Variants in SZT2 observed in about 807,000 individuals in gnomAD.
SZT2 encodes the protein KICSTOR complex protein SZT2.
A neutral mutation model predicts 404.2 loss-of-function variants in SZT2; 216 were observed. The ratio of observed to expected loss-of-function variants is 0.53; its 90% CI spans 0.48 to 0.60. SZT2 has a LOEUF of 0.60. Among genes scored for constraint, SZT2 ranks in the 20% least tolerant of loss-of-function variants. The pLI is 0.00. For missense variants in SZT2, 3,857 were observed against 4,459.2 expected, an observed-to-expected ratio of 0.86 and a Z score of 3.85; for synonymous variants, 1,693 against 1,749.9, an observed-to-expected ratio of 0.97 and a Z score of 0.81.
chr1:43,430,421 G>T, intron 31 of SZT2, 32 bp downstream of exon 31: 2 of 1,603,576 alleles, frequency 1.2e-6, no homozygotes, highest in South Asian at 2.2e-5. Context: ...GGTGGGGAAG[G>T]CTGGCTGCTT....
At position 43,441,239 on chromosome 1, in the gene SZT2, G is replaced by A. The variant is rs1292631437; in HGVS notation, c.7370G>A (p.Gly2457Asp). Residue 2457 changes from glycine to aspartate, a missense_variant, in exon 53 of 72, where the codon GGT becomes GAT. Gly to Asp is a moderately conservative substitution (Grantham distance 94). Coordinates refer to ENST00000634258, the MANE Select transcript of SZT2 (RefSeq NM_001365999.1). This position sits in a 1 kb window ranked among gnomAD's most constrained non-coding sequence, Gnocchi z 4.8. ...AGTAAAACAGAATGTGGGGATTTGG[G>A]TTCCCCCAAAACAACTGATGACATT... ...MLSKTECGDL[G>D]SPKTTDDIVL... is the part of the protein sequence containing the mutation. The A allele has an allele frequency of 8.1e-6, 13 of 1,614,174 alleles. No homozygotes were observed. The highest frequency in any genetic ancestry group is 1.1e-5 in the South Asian group (1 of 91,084).
chr1:43,400,630 G>A (rs1206604913), intron 1 of SZT2, among the ~76,000 whole-genome samples: 1 of 152,186 alleles, frequency 6.6e-6, no homozygotes, highest in Admixed American at 6.5e-5. Context: ...CCAGCACCTC[G>A]GAAGGCCAAG....
chr1:43,421,291 C>T lies in SZT2; in HGVS notation c.1614C>T (p.Gly538=). Residue 538 remains glycine (G), a synonymous_variant, in exon 11 of 72, where the codon GGC becomes GGT. Transcript: ENST00000634258. ...TGCCACTCTTCTACATCCCTCCAGG[C>T]TCCACCACCCCGGTGAGTAGCTCTG... ...SGVPLFYIPP[G]STTPVLSLQP... 1 of 1,598,560 alleles carries T rather than the reference C, an allele frequency of 6.3e-7. No individual in the cohort carries two copies. The highest frequency in any genetic ancestry group is 1.3e-5 in the African/African-American group (1 of 75,062).
At chr1:43,413,107 A>C (rs770188477) in intron 4 of SZT2, among the ~76,000 whole-genome samples, 1 of 152,238 alleles carries the variant, frequency 6.6e-6, no homozygotes, top group Non-Finnish European at 1.5e-5. Context: ...GAGGTTCCTC[A>C]AAAAACAAAA....
chr1:43,389,950 G>C lies in SZT2; in HGVS notation c.-19G>C. On this transcript the variant is annotated 5_prime_UTR_variant, in exon 1 of 72. Transcript: ENST00000634258. ...TGGAACACCCTCACTGGCCCGGGCCGGCGCGGGAGGGCTGTGTGATGGCCT... is the reference window on the plus strand; with the variant it reads ...TGGAACACCCTCACTGGCCCGGGCCCGCGCGGGAGGGCTGTGTGATGGCCT... The C allele has an allele frequency of 6.9e-7, 1 of 1,452,428 alleles. No homozygotes were observed. The allele number at this position is 1,452,428 out of a possible 1,614,324, so 90.0% of individuals were successfully genotyped here. A position where few individuals can be genotyped will look rare whatever the true frequency, so the allele number is the denominator to read the frequency against.
intron 4 of SZT2, among the ~76,000 whole-genome samples, chr1:43,408,222 G>A (rs1650569163): frequency 6.6e-6 from 1 of 152,046 alleles, no homozygotes; most frequent in Non-Finnish European, 1.5e-5. Flanking sequence ...AAGAGAAAGG[G>A]AGAATCAAGA....
intron 34 of SZT2, 29 bp downstream of exon 34, chr1:43,431,401 A>AGAGTTCT (rs769359092): frequency 1.9e-6 from 3 of 1,613,234 alleles, no homozygotes; most frequent in Non-Finnish European, 2.5e-6. Flanking sequence ...GTCAGAGTTC[A>AGAGTTCT]TTACTGCTTT....
chr1:43,391,762 A>G (rs1300368422), intron 1 of SZT2, among the ~76,000 whole-genome samples: 1 of 152,218 alleles, frequency 6.6e-6, no homozygotes, highest in Non-Finnish European at 1.5e-5. Context: ...CATGTGTAAT[A>G]TTAAATTTTC....
At position 43,453,861 on chromosome 1, in the gene SZT2, C is replaced by CGGGCGGG. The variant is rs1553158735; in HGVS notation, c.*3384_*3390dup. 1.3e-6 allele frequency: 1 copy of CGGGCGGG among 757,902 alleles called. No homozygotes were observed. Among genetic ancestry groups the CGGGCGGG allele is most frequent in the East Asian group, 4.3e-5 (1 of 23,494 alleles). The allele number at this position is 757,902 out of a possible 1,614,324, so 46.9% of individuals were successfully genotyped here. A position where few individuals can be genotyped will look rare whatever the true frequency, so the allele number is the denominator to read the frequency against. On this transcript the variant is annotated 3_prime_UTR_variant, in exon 72 of 72. Transcript: ENST00000634258. The stretch of plus-strand genomic sequence containing the variant: ...GCGGCGGGCGGCGGGCGGCGGGCGG[C>CGGGCGGG]GGGCGGGGGCGGGGCTCTCCTTGCT...
chr1:43,408,382 C>A (rs988036354), intron 4 of SZT2, among the ~76,000 whole-genome samples: 1 of 152,158 alleles, frequency 6.6e-6, no homozygotes, highest in African/African-American at 2.4e-5. Context: ...CCCACCTCAG[C>A]CTGCCAAGTA....
At position 43,432,366 on chromosome 1, in the gene SZT2, C is replaced by G; in HGVS notation, c.5369C>G (p.Ser1790Cys). Residue 1790 changes from serine to cysteine, a missense_variant, in exon 37 of 72, where the codon TCC becomes TGC. Ser to Cys is a moderately radical substitution (Grantham distance 112). Coordinates refer to ENST00000634258, the MANE Select transcript of SZT2 (RefSeq NM_001365999.1). ...GCAGCTGGCCAACAGCCAGGTGGGT[C>G]CCATGGGGAGCCTTCTTCAGCGGCC... The part of the protein sequence containing the change: ...FVAAGQQPGG[S>C]HGEPSSAAWA... 1 of 1,606,092 alleles carries G rather than the reference C, an allele frequency of 6.2e-7. No homozygotes were observed. Among genetic ancestry groups the G allele is most frequent in the Non-Finnish European group, 8.5e-7 (1 of 1,176,550 alleles).
At position 43,425,739 on chromosome 1, in the gene SZT2, A is replaced by G; in HGVS notation, c.2815-96A>G. The G allele has an allele frequency of 3.8e-6, 6 of 1,594,966 alleles. No homozygotes were observed. The highest frequency in any genetic ancestry group is 5.1e-6 in the Non-Finnish European group (6 of 1,167,212). On this transcript the variant is annotated intron_variant, in intron 19 of 71. Coordinates refer to ENST00000634258, the MANE Select transcript of SZT2 (RefSeq NM_001365999.1). This position sits in a 1 kb window ranked among gnomAD's most constrained non-coding sequence, Gnocchi z 4.3. ...GTCTGTGGGCTTCCTGGTCCCTCTG[A>G]ATGGCTGGGACTGTTGAAGCTTCCT...
At position 43,442,755 on chromosome 1, in the gene SZT2, C is replaced by T. The variant is rs2153935980; in HGVS notation, c.8152-64C>T. On this transcript the variant is annotated intron_variant, in intron 58 of 71. Coordinates refer to ENST00000634258, the MANE Select transcript of SZT2 (RefSeq NM_001365999.1). This position sits in a 1 kb window ranked among gnomAD's most constrained non-coding sequence, Gnocchi z 4.5. ...GAGGGAGAGTCTGAGAGAGGAAGCC[C>T]TGGGATGAGAGAGAGGGTCCGAGGG... The T allele has an allele frequency of 1.3e-6, 2 of 1,541,030 alleles. No individual in the cohort carries two copies. Among genetic ancestry groups the T allele is most frequent in the Non-Finnish European group, 1.7e-6 (2 of 1,144,556 alleles).
At position 43,432,752 on chromosome 1, in the gene SZT2, G is replaced by A. The variant is rs1429335929; in HGVS notation, c.5555G>A (p.Gly1852Glu). Residue 1852 changes from glycine (G) to glutamate (E), a missense_variant, in exon 39 of 72, where the codon GGA becomes GAA. Gly to Glu is a moderately conservative substitution (Grantham distance 98). This residue lies in a region of SZT2 where 1,725 missense variants were observed against 1,881.0 expected (regional missense o/e 0.92). Coordinates refer to ENST00000634258, the MANE Select transcript of SZT2 (RefSeq NM_001365999.1). ...QGGSQPGPSR[G>E]LSLMSSQGSV... Reference sequence around the variant, plus strand: ...GGGAGTCAGCCTGGGCCCAGCCGGGGATTAAGTCTCATGTCCAGTCAGGGC... The same window carrying A: ...GGGAGTCAGCCTGGGCCCAGCCGGGAATTAAGTCTCATGTCCAGTCAGGGC... 1 of 1,613,930 alleles carries A rather than the reference G, an allele frequency of 6.2e-7. No homozygotes were observed. The highest frequency in any genetic ancestry group is 1.7e-5 in the Admixed American group (1 of 59,984).
Position 43,424,187 on chromosome 1 carries a change from A to T in SZT2, c.2256-30A>T. The stretch of plus-strand genomic sequence containing the variant: ...GGCGTGGCTTAGCCGGGGATGAGAG[A>T]GATAGCTGGGGAGTTGTCCCATTTC... On this transcript the variant is annotated intron_variant, in intron 15 of 71. Transcript: ENST00000634258. The surrounding 1 kb of genome is among the most constrained non-coding windows in gnomAD (Gnocchi z 4.1). 2 of 1,581,076 alleles carry T rather than the reference A, an allele frequency of 1.3e-6. No homozygotes were observed. The highest frequency in any genetic ancestry group is 1.7e-6 in the Non-Finnish European group (2 of 1,167,852).
chr1:43,448,796 C>T lies in SZT2; in HGVS notation c.10086+68C>T. On this transcript the variant is annotated intron_variant, in intron 70 of 71. Transcript: ENST00000634258. This position sits in a 1 kb window ranked among gnomAD's most constrained non-coding sequence, Gnocchi z 4.2. ...AAATCCTCACCAAACAGATGTGCCC[C>T]TCAGCCTGACCAAACAAGCTCTGCT... 4.9e-6 allele frequency: 7 copies of T among 1,443,156 alleles called. No homozygotes were observed. The highest frequency in any genetic ancestry group is 6.8e-6 in the Non-Finnish European group (7 of 1,026,104). The allele number at this position is 1,443,156 out of a possible 1,614,324, so 89.4% of individuals were successfully genotyped here.
intron 1 of SZT2, chr1:43,394,209 T>C (rs1479530772): frequency 8.3e-6 from 3 of 363,320 alleles, no homozygotes; most frequent in Non-Finnish European, 1.1e-5. Flanking sequence ...ATCAACTCTT[T>C]TTTTTTTTTT....
At position 43,431,743 on chromosome 1, in the gene SZT2, G is replaced by T; in HGVS notation, c.5116G>T (p.Val1706Leu). The change falls in exon 36 of 72, where the codon GTG (valine) becomes TTG (leucine). Residue 1706 changes from valine to leucine, a missense_variant. Around this residue, in one of 7 missense-constraint regions of SZT2, gnomAD observed 1,725 missense variants for 1,881.0 expected, o/e 0.92. Coordinates refer to ENST00000634258, the MANE Select transcript of SZT2 (RefSeq NM_001365999.1). The part of the protein sequence containing the change: ...EIRWLLEDEM[V>L]GALRRGGIPQ... ...CCGCTGGTTGTTGGAAGATGAGATG[G>T]TGGGGGCACTCCGAAGAGGGGGCAT... 6.2e-7 allele frequency: 1 copy of T among 1,614,200 alleles called. No homozygotes were observed. The highest frequency in any genetic ancestry group is 8.5e-7 in the Non-Finnish European group (1 of 1,180,036).
chr1:43,428,651 C>A, intron 28 of SZT2, 165 bp downstream of exon 28: 1 of 920,120 alleles, frequency 1.1e-6, no homozygotes, highest in Non-Finnish European at 1.6e-6. Flanking sequence ...CCTTCCTCAC[C>A]AATTTGGCAC....
Sources: gnomAD v4.1 joint callset for allele counts (sites outside exome capture counted in the v4.1 genomes callset) on GRCh38, gnomAD v4.1.1 for gene constraint, gnomAD v4.1.1 regional missense constraint, Gnocchi (gnomAD v3.1) non-coding constraint, MANE v1.5 for transcripts, NCBI Gene and HGNC (gene_info 2026-07-23, HGNC 2026-07-21) for gene names.